CNTN5: variants seen among roughly 807,000 people sequenced by gnomAD.
CNTN5 encodes the protein contactin 5, also known as contactin-5.
CNTN5 carries 77 observed loss-of-function variants against 129.1 expected under a neutral mutation model. The ratio of observed to expected loss-of-function variants is 0.60; its 90% CI spans 0.50 to 0.72. CNTN5 has a LOEUF of 0.72. CNTN5 is among the 30% of genes least tolerant of loss of function. The pLI, the probability that CNTN5 is intolerant of heterozygous loss-of-function variation, is 0.00. For missense variants in CNTN5, 1,478 were observed against 1,328.8 expected (o/e 1.11, Z -1.75); for synonymous variants, 509 against 465.6 (o/e 1.09, Z -1.20).
At chr11:99,033,214 T>G (rs1440770095) in intron 1 of CNTN5, among the ~76,000 whole-genome samples, 2 of 151,520 alleles carry the variant, frequency 1.3e-5, no homozygotes, top group Non-Finnish European at 2.9e-5. Flanking sequence ...TGCCTCCAGC[T>G]TTGTTCTTTT....
intron 9 of CNTN5, among the ~76,000 whole-genome samples, chr11:100,015,110 A>T (rs1341782957): frequency 1.3e-5 from 2 of 152,178 alleles, no homozygotes; most frequent in African/African-American, 2.4e-5. Context: ...GAATTAAGTC[A>T]TTTATCAATG....
rs1944051798 is a variant in CNTN5 at position 99,746,219 on chromosome 11, T to C, written c.56-73325T>C. Among the ~76,000 whole-genome samples the C allele has an allele frequency of 2.6e-5, 4 of 152,224 alleles. No individual in the cohort carries two copies. The South Asian group carries it at 8.3e-4, about 32-fold the overall frequency. On this transcript the variant is annotated intron_variant, in intron 3 of 24. Coordinates refer to ENST00000524871, the MANE Select transcript of CNTN5 (RefSeq NM_014361.4). The stretch of plus-strand genomic sequence containing the variant: ...TGCTTTTACAATTTCAGGACTTCCA[T>C]TTGTCTTTAGCAAATTTTGATTTGA...
chr11:99,097,450 G>A (rs1866524569), intron 1 of CNTN5, among the ~76,000 whole-genome samples: 1 of 151,756 alleles, frequency 6.6e-6, no homozygotes, highest in Non-Finnish European at 1.5e-5. Context: ...ATTTAATTTT[G>A]ACCAAGACCA....
chr11:99,486,803 A>G (rs1028503238), intron 2 of CNTN5, among the ~76,000 whole-genome samples: 6 of 152,178 alleles, frequency 3.9e-5, no homozygotes, highest in African/African-American at 9.7e-5. Flanking sequence ...GAGGTTAACC[A>G]TAAGTTATAA....
At chr11:99,404,236 CTA>C (rs746841702) in intron 2 of CNTN5, among the ~76,000 whole-genome samples, 4 of 150,528 alleles carry the variant, frequency 2.7e-5, no homozygotes, top group Non-Finnish European at 4.4e-5. Context: ...TATTTTCAGA[CTA>C]TGTGTGTATT....
intron 24 of CNTN5, among the ~76,000 whole-genome samples, chr11:100,352,652 A>C (rs1168378311): frequency 1.3e-5 from 2 of 151,868 alleles, no homozygotes; most frequent in South Asian, 4.1e-4. Context: ...TGACTTTTTC[A>C]GAAATTCTGG....
At chr11:99,303,713 T>G (rs939482587) in intron 1 of CNTN5, among the ~76,000 whole-genome samples, 1 of 152,058 alleles carries the variant, frequency 6.6e-6, no homozygotes, top group Admixed American at 6.6e-5. Flanking sequence ...CTAGTGATTC[T>G]CACTCTGGGG....
At chr11:99,822,501 T>C (rs926736280) in intron 4 of CNTN5, among the ~76,000 whole-genome samples, 4 of 152,180 alleles carry the variant, frequency 2.6e-5, no homozygotes, top group Non-Finnish European at 4.4e-5. Flanking sequence ...TGATATCACT[T>C]ATGTAAAACA....
intron 1 of CNTN5, among the ~76,000 whole-genome samples, chr11:99,308,084 C>A (rs1864950037): frequency 6.6e-6 from 1 of 152,170 alleles, no homozygotes; most frequent in Non-Finnish European, 1.5e-5. Flanking sequence ...AAGTAACATT[C>A]AAATGAAAAG....
At chr11:100,237,052 G>A (rs888796013) in intron 16 of CNTN5, among the ~76,000 whole-genome samples, 23 of 151,966 alleles carry the variant, frequency 1.5e-4, no homozygotes, top group South Asian at 6.2e-4. Flanking sequence ...AGCCAGGTGT[G>A]GTGGTGGGCG....
At chr11:99,082,367 TAG>T (rs1865838443) in intron 1 of CNTN5, among the ~76,000 whole-genome samples, 1 of 152,114 alleles carries the variant, frequency 6.6e-6, no homozygotes, top group Non-Finnish European at 1.5e-5. Flanking sequence ...GTATTTTTAG[TAG>T]AGACGGGGTT....
rs370200012 is a variant in CNTN5, at chr11:99,504,455, C to T, written c.-70-51690C>T. 4.0e-5 allele frequency among the ~76,000 whole-genome samples: 6 copies of T among 149,538 alleles called. No individual in the cohort carries two copies. In the East Asian group the frequency reaches 8.0e-4, roughly 20 times the overall value. Reference sequence around the variant, plus strand: ...ACTTGGGAGGCTGAGGTAGGAGAATCGCTTGAACCCGGGAGGCGGAGGGTG... The same window carrying T: ...ACTTGGGAGGCTGAGGTAGGAGAATTGCTTGAACCCGGGAGGCGGAGGGTG... On this transcript the variant is annotated intron_variant, in intron 2 of 24. Coordinates refer to ENST00000524871, the MANE Select transcript of CNTN5 (RefSeq NM_014361.4).
intron 15 of CNTN5, among the ~76,000 whole-genome samples, chr11:100,208,367 G>A (rs749729508): frequency 5.9e-5 from 9 of 151,984 alleles, no homozygotes; most frequent in East Asian, 1.9e-4. Context: ...CATTCATTTC[G>A]GGCATCATCT....
At chr11:99,169,638 A>C (rs1258775387) in intron 1 of CNTN5, among the ~76,000 whole-genome samples, 1 of 152,206 alleles carries the variant, frequency 6.6e-6, no homozygotes, top group Non-Finnish European at 1.5e-5. Flanking sequence ...CCTTAATAGA[A>C]GTGATGGCCC....
At chr11:99,823,470 T>G (rs2135573238) in intron 4 of CNTN5, among the ~76,000 whole-genome samples, 1 of 152,212 alleles carries the variant, frequency 6.6e-6, no homozygotes, top group South Asian at 2.1e-4. Flanking sequence ...GGCCTACTTT[T>G]TAGTCCTGTT....
In CNTN5 at chr11:100,266,464, C is replaced by T. The variant is rs972277407; in HGVS notation, c.2165-4628C>T. Among the ~76,000 whole-genome samples the T allele has an allele frequency of 2.0e-5, 3 of 152,182 alleles. No homozygotes were observed. In the East Asian group the frequency reaches 5.8e-4, roughly 29 times the overall value. On this transcript the variant is annotated intron_variant, in intron 17 of 24. Coordinates refer to ENST00000524871, the MANE Select transcript of CNTN5 (RefSeq NM_014361.4). ...GTATAAATCCTCCATTATCCTTAAT[C>T]TCCATAATATTGCATTTCAAATCAA...
chr11:99,341,404 C>T (rs1419024139), intron 2 of CNTN5, among the ~76,000 whole-genome samples: 2 of 151,818 alleles, frequency 1.3e-5, no homozygotes, highest in Non-Finnish European at 2.9e-5. Flanking sequence ...CATAGTATGC[C>T]TTTTTGAAGC....
At chr11:100,007,517 G>A (rs369750645) in intron 9 of CNTN5, among the ~76,000 whole-genome samples, 1 of 152,044 alleles carries the variant, frequency 6.6e-6, no homozygotes, top group East Asian at 1.9e-4. Context: ...CCACTTTAAT[G>A]TTATAAAGAT....
At chr11:99,449,498 C>G (rs2135184626) in intron 2 of CNTN5, among the ~76,000 whole-genome samples, 1 of 152,270 alleles carries the variant, frequency 6.6e-6, no homozygotes, top group East Asian at 1.9e-4. Context: ...AGGAGTTTGC[C>G]AAATTTGTGT....
Sources: gnomAD v4.1 joint callset for allele counts (sites outside exome capture counted in the v4.1 genomes callset) on GRCh38, gnomAD v4.1.1 for gene constraint, MANE v1.5 for transcripts, NCBI Gene and HGNC (gene_info 2026-07-23, HGNC 2026-07-21) for gene names.